The following GRIA1 variants were observed in gnomAD, a reference collection of about 807,000 sequenced individuals.
GRIA1 encodes the protein glutamate ionotropic receptor AMPA type subunit 1.
In GRIA1, 31 loss-of-function variants were observed where a neutral mutation model predicts 99.2. The ratio of observed to expected loss-of-function variants is 0.31; its 90% CI spans 0.23 to 0.42. The LOEUF (loss-of-function observed/expected upper bound fraction) is 0.42, where lower values mean the gene tolerates loss of function less well. GRIA1 is among the 10% of genes least tolerant of loss of function. The pLI is 1.00. For missense variants in GRIA1, 782 were observed against 1,157.5 expected (o/e 0.68, Z 4.71); for synonymous variants, 438 against 432.4 (o/e 1.01, Z -0.16).
rs1763451287 is a variant in GRIA1, at chr5:153,765,366, G to A, written c.2022+734G>A. Among the ~76,000 whole-genome samples the A allele has an allele frequency of 3.3e-5, 5 of 152,138 alleles. No homozygotes were observed. In the South Asian group the frequency reaches 1.0e-3, roughly 32 times the overall value. On this transcript the variant is annotated intron_variant, in intron 12 of 15. Transcript: ENST00000285900. ...GCTTAACAAGACTAAAAGAGATAGG[G>A]TATCTAAAATTAGAGGCAAAACAAG...
chr5:153,801,761 G>T (rs1012619185), intron 14 of GRIA1, among the ~76,000 whole-genome samples: 5 of 151,872 alleles, frequency 3.3e-5, no homozygotes, highest in Admixed American at 6.6e-5. Flanking sequence ...CCCTAAATTG[G>T]CACTCAGAGC....
intron 2 of GRIA1, among the ~76,000 whole-genome samples, chr5:153,561,186 G>T (rs1005013334): frequency 2.6e-5 from 4 of 152,056 alleles, no homozygotes; most frequent in Admixed American, 1.3e-4. Context: ...TCTAGTCGGG[G>T]GTCATGATAG....
chr5:153,533,733 G>T (rs755706298), intron 2 of GRIA1, among the ~76,000 whole-genome samples: 5 of 152,164 alleles, frequency 3.3e-5, no homozygotes, highest in Non-Finnish European at 5.9e-5. Flanking sequence ...GAAGGGTGTG[G>T]GGGAGAAGGC....
intron 2 of GRIA1, among the ~76,000 whole-genome samples, chr5:153,579,433 G>C (rs1267235889): frequency 6.6e-6 from 1 of 152,164 alleles, no homozygotes; most frequent in Admixed American, 6.5e-5. Flanking sequence ...GTGAGGCTGA[G>C]AGTCAAGTCA....
chr5:153,802,569 AG>A, intron 15 of GRIA1, 79 bp downstream of exon 15: 1 of 1,447,416 alleles, frequency 6.9e-7, no homozygotes, highest in Non-Finnish European at 9.7e-7. Flanking sequence ...TTTGCTAGAA[AG>A]GGTGGGGAAT....
chr5:153,701,443 T>C (rs978358756), intron 10 of GRIA1, among the ~76,000 whole-genome samples: 1 of 151,552 alleles, frequency 6.6e-6, no homozygotes, highest in African/African-American at 2.4e-5. Flanking sequence ...TGAAACCCCA[T>C]CTCTACTAAG....
intron 13 of GRIA1, among the ~76,000 whole-genome samples, chr5:153,776,685 G>T (rs1443172161): frequency 6.6e-6 from 1 of 152,098 alleles, no homozygotes; most frequent in African/African-American, 2.4e-5. Context: ...ACAACCCTGT[G>T]CTGGAAAATA....
intron 15 of GRIA1, among the ~76,000 whole-genome samples, chr5:153,804,980 G>T (rs1766331379): frequency 6.6e-6 from 1 of 152,050 alleles, no homozygotes; most frequent in South Asian, 2.1e-4. Context: ...TCAAACTCCT[G>T]ACCTCAGATA....
chr5:153,601,297 C>A (rs186382460), intron 2 of GRIA1, among the ~76,000 whole-genome samples: 14 of 152,280 alleles, frequency 9.2e-5, no homozygotes, highest in Admixed American at 7.2e-4. Flanking sequence ...ATATTTAAAC[C>A]AAGTCTGTCT....
At chr5:153,796,136 C>A (rs1187244161) in intron 14 of GRIA1, among the ~76,000 whole-genome samples, 1 of 149,742 alleles carries the variant, frequency 6.7e-6, no homozygotes, top group African/African-American at 2.5e-5. Flanking sequence ...AAGCAGGGTT[C>A]TCCATCCAGG....
intron 2 of GRIA1, among the ~76,000 whole-genome samples, chr5:153,591,628 C>G (rs749156258): frequency 1.1e-4 from 17 of 152,252 alleles, no homozygotes; most frequent in Non-Finnish European, 2.4e-4. Context: ...TAGTATCTAG[C>G]ACCAAGAAGC....
intron 14 of GRIA1, among the ~76,000 whole-genome samples, chr5:153,801,952 CG>C (rs11348503): frequency 0.26 from 20,758 of 78,830 alleles, 1,206 homozygotes; most frequent in South Asian, 0.32. Context: ...GAAATTGGGG[CG>C]GGGGGGGGCG....
intron 13 of GRIA1, among the ~76,000 whole-genome samples, chr5:153,780,706 TATG>T (rs1764574767): frequency 6.6e-6 from 1 of 152,226 alleles, no homozygotes; most frequent in Non-Finnish European, 1.5e-5. Flanking sequence ...ATGAATCCCT[TATG>T]AAGAGTTCAT....
chr5:153,711,411 C>T (rs1483201976), intron 11 of GRIA1, among the ~76,000 whole-genome samples: 1 of 152,092 alleles, frequency 6.6e-6, no homozygotes, highest in African/African-American at 2.4e-5. Context: ...ATTGACAGGA[C>T]TTGCTGATGG....
chr5:153,625,259 C>T (rs994373102), intron 2 of GRIA1, among the ~76,000 whole-genome samples: 1 of 152,188 alleles, frequency 6.6e-6, no homozygotes, highest in African/African-American at 2.4e-5. Context: ...GATTTGATTT[C>T]TACTCCTACT....
intron 2 of GRIA1, among the ~76,000 whole-genome samples, chr5:153,646,534 A>G (rs917207144): frequency 6.6e-6 from 1 of 152,214 alleles, no homozygotes. Flanking sequence ...TGACCCAGTC[A>G]TCCCTTTCTA....
intron 11 of GRIA1, among the ~76,000 whole-genome samples, chr5:153,754,922 C>T (rs1019981083): frequency 5.9e-5 from 9 of 152,172 alleles, no homozygotes; most frequent in Non-Finnish European, 1.0e-4. Flanking sequence ...CATAGTTCTG[C>T]TGCTATGAGA....
At chr5:153,498,364 A>T (rs1754644303) in intron 2 of GRIA1, among the ~76,000 whole-genome samples, 1 of 152,230 alleles carries the variant, frequency 6.6e-6, no homozygotes. Context: ...CCACCAGAAT[A>T]TAAACTGCTG....
At chr5:153,708,617 A>G (rs1759086838) in intron 11 of GRIA1, among the ~76,000 whole-genome samples, 1 of 152,276 alleles carries the variant, frequency 6.6e-6, no homozygotes, top group African/African-American at 2.4e-5. Context: ...AGGAAGCGCT[A>G]TAACTGGATG....
Sources: allele counts gnomAD v4.1 joint callset (sites outside exome capture counted in the v4.1 genomes callset), GRCh38; gene constraint gnomAD v4.1.1; transcripts MANE v1.5; gene names NCBI Gene and HGNC (gene_info 2026-07-23, HGNC 2026-07-21).